The following MAPKAPK2 variants were observed in gnomAD, a reference collection of about 807,000 sequenced individuals.
MAPKAPK2 encodes MAP kinase-activated protein kinase 2.
A neutral mutation model predicts 48.8 loss-of-function variants in MAPKAPK2; 9 were observed. That is an observed-to-expected ratio of 0.18 (90% CI 0.11 to 0.32). The LOEUF is 0.32. MAPKAPK2 is among the 10% of genes least tolerant of loss of function. The pLI, the probability that MAPKAPK2 is intolerant of heterozygous loss-of-function variation, is 1.00. For synonymous variants in MAPKAPK2, 202 were observed against 190.6 expected, an observed-to-expected ratio of 1.06 and a Z score of -0.49; for missense variants, 331 against 498.3, an observed-to-expected ratio of 0.66 and a Z score of 3.20.
intron 1 of MAPKAPK2, 45 bp from the exon 2 acceptor site, chr1:206,728,665 G>T (rs781987453): frequency 6.3e-7 from 1 of 1,596,488 alleles, no homozygotes; most frequent in Non-Finnish European, 8.5e-7. Flanking sequence ...CTTAGAGCAG[G>T]CCCATGTGAC....
rs1158603608 is a variant in MAPKAPK2, at chr1:206,704,389, GA to G, written c.279+18883del. ...TCCTGCTTTTCCTTTCAGGTTGCTG[GA>G]ATTAGTGGTGGTGGTGGCTCAGCTC... On this transcript the variant is annotated intron_variant, in intron 1 of 9. Transcript: ENST00000367103. This position sits in a 1 kb window ranked among gnomAD's most constrained non-coding sequence, Gnocchi z 4.3. Among the ~76,000 whole-genome samples the G allele has an allele frequency of 3.3e-5, 5 of 152,210 alleles. No homozygotes were observed. Among genetic ancestry groups the G allele is most frequent in the Non-Finnish European group, 7.3e-5 (5 of 68,040 alleles).
chr1:206,709,959 G>A (rs1673085715), intron 1 of MAPKAPK2, among the ~76,000 whole-genome samples: 1 of 152,124 alleles, frequency 6.6e-6, no homozygotes, highest in Admixed American at 6.5e-5. Context: ...ACCAGGTTGA[G>A]AACTATTCCC....
rs191040128 is a variant in MAPKAPK2, at chr1:206,686,309, A to G, written c.279+801A>G. On this transcript the variant is annotated intron_variant, in intron 1 of 9. Coordinates refer to ENST00000367103, the MANE Select transcript of MAPKAPK2 (RefSeq NM_032960.4). ...CTTGCTGTCCTGGACTCGCGCCGTG[A>G]TGGGCAGTCTGAGGAAACATTATCC... Among the ~76,000 whole-genome samples, 130 of 152,328 alleles carry G rather than the reference A, an allele frequency of 8.5e-4. 1 individual carries two copies. The East Asian group carries it at 0.024, about 28-fold the overall frequency.
rs2102390087 is a variant in MAPKAPK2 at position 206,704,888 on chromosome 1, C to A, written c.279+19380C>A. On this transcript the variant is annotated intron_variant, in intron 1 of 9. Coordinates refer to ENST00000367103, the MANE Select transcript of MAPKAPK2 (RefSeq NM_032960.4). This position sits in a 1 kb window ranked among gnomAD's most constrained non-coding sequence, Gnocchi z 4.3. ...AACTGGGTGAACTTGGAAGAAGGAG[C>A]CGCCCGTTTCTCCAAGTGCAGCGCC... is the stretch of plus-strand genomic sequence containing the variant. Among the ~76,000 whole-genome samples, 1 of 152,280 alleles carries A rather than the reference C, an allele frequency of 6.6e-6. No homozygotes were observed. Among genetic ancestry groups the A allele is most frequent in the African/African-American group, 2.4e-5 (1 of 41,548 alleles).
rs1553432776 is a variant in MAPKAPK2, at chr1:206,731,939, G to A, written c.1059+20G>A. Reference sequence around the variant, plus strand: ...GTCAAGGTGAGGGGCACCACTGGGTGAGAGGGGCTCCAGGTGGGGTGGGCG... The same window carrying A: ...GTCAAGGTGAGGGGCACCACTGGGTAAGAGGGGCTCCAGGTGGGGTGGGCG... On this transcript the variant is annotated intron_variant, in intron 9 of 9. Coordinates refer to ENST00000367103, the MANE Select transcript of MAPKAPK2 (RefSeq NM_032960.4). This position sits in a 1 kb window ranked among gnomAD's most constrained non-coding sequence, Gnocchi z 5.9. The A allele has an allele frequency of 1.2e-6, 2 of 1,614,172 alleles. No homozygotes were observed. Among genetic ancestry groups the A allele is most frequent in the Admixed American group, 1.7e-5 (1 of 60,022 alleles).
rs536360675 is a variant in MAPKAPK2 at position 206,730,247 on chromosome 1, T to G, written c.691+149T>G. 11 of 956,684 alleles carry G rather than the reference T, an allele frequency of 1.1e-5. No individual in the cohort carries two copies. The Admixed American group carries it at 2.1e-4, about 18-fold the overall frequency. 59.3% of individuals were successfully genotyped at this position (956,684 alleles called of 1,614,324 possible). ...GGTTCTGCTGGGACCTGCTGAGAAG[T>G]AGGGCTTGTCAGAGCGAAGCTACAG... On this transcript the variant is annotated intron_variant, in intron 5 of 9. Transcript: ENST00000367103.
intron 1 of MAPKAPK2, among the ~76,000 whole-genome samples, chr1:206,714,902 T>C (rs1673278327): frequency 6.6e-6 from 1 of 152,178 alleles, no homozygotes; most frequent in Non-Finnish European, 1.5e-5. Flanking sequence ...CCCTGTGAGC[T>C]TGGTCTAGTG....
At chr1:206,729,684 T>C (rs1553432349) in intron 4 of MAPKAPK2, among the ~76,000 whole-genome samples, 1 of 152,214 alleles carries the variant, frequency 6.6e-6, no homozygotes, top group South Asian at 2.1e-4. Flanking sequence ...CACTCAGCCC[T>C]GTGGTTCTCC....
intron 1 of MAPKAPK2, among the ~76,000 whole-genome samples, chr1:206,692,389 C>T (rs782346630): frequency 2.0e-5 from 3 of 152,190 alleles, no homozygotes; most frequent in Non-Finnish European, 2.9e-5. Flanking sequence ...ATCAGGAATC[C>T]AAGGAAGCAG....
Position 206,730,734 on chromosome 1 carries a change from G to A in MAPKAPK2, c.738G>A (p.Met246Ile), listed in dbSNP as rs782414991. The change falls in exon 6 of 10, where the codon ATG (methionine) becomes ATA (isoleucine). Residue 246 changes from methionine to isoleucine, a missense_variant. Transcript: ENST00000367103. ...GPEKYDKSCD[M>I]WSLGVIMYIL... ...AGAAGTATGACAAGTCCTGTGACAT[G>A]TGGTCCCTGGGTGTCATCATGTACA... is the stretch of plus-strand genomic sequence containing the variant. The A allele has an allele frequency of 1.2e-6, 2 of 1,613,740 alleles. No individual in the cohort carries two copies. Among genetic ancestry groups the A allele is most frequent in the Non-Finnish European group, 8.5e-7 (1 of 1,179,874 alleles).
At chr1:206,694,318 T>TA (rs552513505) in intron 1 of MAPKAPK2, among the ~76,000 whole-genome samples, 82 of 152,280 alleles carry the variant, frequency 5.4e-4, no homozygotes, top group Non-Finnish European at 1.0e-3. Flanking sequence ...CAGCTAGAGT[T>TA]ACATACTCTG....
At chr1:206,697,990 A>G (rs4845129) in intron 1 of MAPKAPK2, among the ~76,000 whole-genome samples, 31,309 of 152,208 alleles carry the variant, frequency 0.21, 3,314 homozygotes, top group Middle Eastern at 0.31. Flanking sequence ...GCCTTTCATC[A>G]CTGTTGTTGC....
chr1:206,724,117 A>C (rs1553431614), intron 1 of MAPKAPK2, among the ~76,000 whole-genome samples: 1 of 152,176 alleles, frequency 6.6e-6, no homozygotes, highest in African/African-American at 2.4e-5. Context: ...TCCTTCTTCT[A>C]GTCTCCAGTC....
At chr1:206,715,953 A>C (rs1304943272) in intron 1 of MAPKAPK2, among the ~76,000 whole-genome samples, 1 of 150,562 alleles carries the variant, frequency 6.6e-6, no homozygotes, top group Non-Finnish European at 1.5e-5. Context: ...GCCTGACCTG[A>C]ATATTGGTTT....
chr1:206,717,526 G>A (rs1553430544), intron 1 of MAPKAPK2, among the ~76,000 whole-genome samples: 1 of 152,174 alleles, frequency 6.6e-6, no homozygotes, highest in Non-Finnish European at 1.5e-5. Flanking sequence ...TGCAGCAGTG[G>A]TTTGGGGCTT....
At chr1:206,726,206 G>A (rs543569002) in intron 1 of MAPKAPK2, among the ~76,000 whole-genome samples, 56 of 152,276 alleles carry the variant, frequency 3.7e-4, no homozygotes, top group African/African-American at 9.1e-4. Flanking sequence ...CCAACATGGC[G>A]AAACCCGGTC....
chr1:206,719,349 C>G (rs782780554), intron 1 of MAPKAPK2, among the ~76,000 whole-genome samples: 3 of 152,140 alleles, frequency 2.0e-5, no homozygotes, highest in Non-Finnish European at 4.4e-5. Context: ...GGCAGTGACG[C>G]GTGGTTGTTT....
chr1:206,709,881 G>A (rs782199537), intron 1 of MAPKAPK2, among the ~76,000 whole-genome samples: 4 of 152,042 alleles, frequency 2.6e-5, no homozygotes, highest in Non-Finnish European at 5.9e-5. Context: ...ATCTACCCAT[G>A]CCCCCAAGTT....
At chr1:206,693,321 G>A (rs1419699571) in intron 1 of MAPKAPK2, among the ~76,000 whole-genome samples, 3 of 152,218 alleles carry the variant, frequency 2.0e-5, no homozygotes, top group African/African-American at 4.8e-5. Flanking sequence ...CCGCTGACCT[G>A]TTTCTCTCAC....
Sources: gnomAD v4.1 joint callset for allele counts (sites outside exome capture counted in the v4.1 genomes callset) on GRCh38, gnomAD v4.1.1 for gene constraint, Gnocchi (gnomAD v3.1) non-coding constraint, MANE v1.5 for transcripts, NCBI Gene and HGNC (gene_info 2026-07-23, HGNC 2026-07-21) for gene names.